The following SOX5 variants were observed in gnomAD, a reference collection of about 807,000 sequenced individuals.
SOX5 encodes the protein transcription factor SOX-5.
Under a neutral mutation model 92.0 loss-of-function variants are expected in SOX5, and 9 were observed. That is an observed-to-expected ratio of 0.10 (90% CI 0.06 to 0.17). The LOEUF (loss-of-function observed/expected upper bound fraction) is 0.17. Among genes scored for constraint, SOX5 ranks in the 10% least tolerant of loss-of-function variants. The pLI, the probability that SOX5 is intolerant of heterozygous loss-of-function variation, is 1.00. For missense variants in SOX5, 642 were observed against 944.5 expected, an observed-to-expected ratio of 0.68 and a Z score of 4.20; for synonymous variants, 344 against 336.3, an observed-to-expected ratio of 1.02 and a Z score of -0.25.
At chr12:23,812,813 T>C (rs538108756) in intron 3 of SOX5, among the ~76,000 whole-genome samples, 2 of 152,250 alleles carry the variant, frequency 1.3e-5, no homozygotes, top group South Asian at 4.1e-4. Flanking sequence ...CACACTATTC[T>C]CATAAAATTT....
chr12:24,181,499 A>T (rs1351462172), intron 4 of SOX5, among the ~76,000 whole-genome samples: 1 of 152,168 alleles, frequency 6.6e-6, no homozygotes, highest in Non-Finnish European at 1.5e-5. Context: ...TATTGTTTTA[A>T]TGTATCTATC....
intron 7 of SOX5, among the ~76,000 whole-genome samples, chr12:23,648,412 A>G (rs1011529569): frequency 1.3e-5 from 2 of 152,202 alleles, no homozygotes; most frequent in African/African-American, 4.8e-5. Flanking sequence ...CTGTCTACAA[A>G]TTGATATGTT....
chr12:23,621,450 T>C (rs1422944777), intron 8 of SOX5, among the ~76,000 whole-genome samples: 1 of 152,150 alleles, frequency 6.6e-6, no homozygotes, highest in African/African-American at 2.4e-5. Context: ...GTAAGTTTTA[T>C]GTTATTTATA....
chr12:23,994,892 C>T (rs1454098122), intron 4 of SOX5, among the ~76,000 whole-genome samples: 7 of 152,042 alleles, frequency 4.6e-5, no homozygotes, highest in Non-Finnish European at 1.0e-4. Flanking sequence ...CTGTAGATGG[C>T]CATAATTTGA....
chr12:23,979,938 T>C (rs12370103), intron 4 of SOX5, among the ~76,000 whole-genome samples: 57,033 of 113,196 alleles, frequency 0.5, 11,624 homozygotes, highest in Middle Eastern at 0.58. Flanking sequence ...GACAGACAGA[T>C]AGATAGATAG....
intron 9 of SOX5, among the ~76,000 whole-genome samples, chr12:23,597,893 T>C (rs964292544): frequency 2.6e-5 from 4 of 152,246 alleles, no homozygotes; most frequent in Admixed American, 2.6e-4. Context: ...ATGGTCAATT[T>C]AAATGCGGTT....
intron 7 of SOX5, among the ~76,000 whole-genome samples, chr12:23,650,254 A>T (rs1315437522): frequency 6.6e-6 from 1 of 152,160 alleles, no homozygotes; most frequent in African/African-American, 2.4e-5. Context: ...TCGATAGTCA[A>T]GGAATTGTAT....
intron 4 of SOX5, among the ~76,000 whole-genome samples, chr12:24,092,307 G>A (rs1030364313): frequency 6.2e-5 from 8 of 129,942 alleles, no homozygotes; most frequent in East Asian, 3.2e-4. Context: ...ACAATGCTGC[G>A]GAATTTTTTT....
chr12:24,340,466 T>C (rs970333327), intron 2 of SOX5, among the ~76,000 whole-genome samples: 1 of 152,210 alleles, frequency 6.6e-6, no homozygotes, highest in Non-Finnish European at 1.5e-5. Context: ...TTTGTTGGTT[T>C]CCCACTAAAA....
intron 2 of SOX5, among the ~76,000 whole-genome samples, chr12:23,860,027 T>C (rs1161532181): frequency 3.3e-5 from 5 of 152,174 alleles, no homozygotes; most frequent in Non-Finnish European, 2.9e-5. Flanking sequence ...CTATCACTGT[T>C]AGCAAACTAA....
chr12:23,775,018 A>C (rs2095054395), intron 3 of SOX5, among the ~76,000 whole-genome samples: 2 of 152,188 alleles, frequency 1.3e-5, no homozygotes, highest in South Asian at 4.1e-4. Flanking sequence ...CAGACTCTGC[A>C]TTTGTAACGG....
intron 1 of SOX5, among the ~76,000 whole-genome samples, chr12:23,901,667 A>G (rs979762944): frequency 1.3e-5 from 2 of 152,142 alleles, no homozygotes; most frequent in Admixed American, 1.3e-4. Context: ...GATATATTTT[A>G]CACTTATTTG....
rs116960520 is a variant in SOX5, at chr12:24,405,305, C to T, written c.-250-36666G>A. Among the ~76,000 whole-genome samples the T allele has an allele frequency of 6.6e-5, 10 of 152,186 alleles. No homozygotes were observed. In the East Asian group the frequency reaches 1.9e-3, roughly 29 times the overall value. ...ATATATTTTATCATGGGGGGGTATA[C>T]TATTTGAAGTATTTTATCTCATTTC... On this transcript the variant is annotated intron_variant, in intron 1 of 4. Coordinates refer to the SOX5 transcript ENST00000446891.
At chr12:24,504,960 C>A (rs1046225704) in intron 1 of SOX5, among the ~76,000 whole-genome samples, 1 of 152,142 alleles carries the variant, frequency 6.6e-6, no homozygotes, top group Non-Finnish European at 1.5e-5. Flanking sequence ...TATCACTACT[C>A]AATCCTGGGG....
In SOX5 at chr12:24,230,408, G is replaced by A. The variant is rs192734646; in HGVS notation, c.-76-16991C>T. ...GGTAGAAAAAGAAAAAAAGCTGGGG[G>A]AGGGGTAGAAAAACGGATAACTTTC... On this transcript the variant is annotated intron_variant, in intron 3 of 4. Coordinates refer to the SOX5 transcript ENST00000446891. Among the ~76,000 whole-genome samples, 405 of 152,264 alleles carry A rather than the reference G, an allele frequency of 2.7e-3. 2 individuals carry two copies. Among genetic ancestry groups the A allele is most frequent in the Non-Finnish European group, 4.8e-3 (325 of 68,004 alleles).
At chr12:24,068,702 GTGTATATATATATA>G (rs1397448959) in intron 4 of SOX5, among the ~76,000 whole-genome samples, 8 of 52,996 alleles carry the variant, frequency 1.5e-4, no homozygotes, top group South Asian at 7.3e-4. Flanking sequence ...GTGTGTGTGT[GTGTATATATATATA>G]TATATATATA....
intron 2 of SOX5, among the ~76,000 whole-genome samples, chr12:24,326,637 T>G (rs1173464786): frequency 8.5e-5 from 13 of 152,162 alleles, no homozygotes. Flanking sequence ...CTACCTTGAA[T>G]GTTCATCTCA....
At chr12:23,716,371 T>A (rs1384156382) in intron 6 of SOX5, among the ~76,000 whole-genome samples, 1 of 152,224 alleles carries the variant, frequency 6.6e-6, no homozygotes, top group Non-Finnish European at 1.5e-5. Context: ...ACATGTCTTA[T>A]TTCATATGTA....
At chr12:24,055,533 GT>G (rs1958006382) in intron 4 of SOX5, among the ~76,000 whole-genome samples, 1 of 152,114 alleles carries the variant, frequency 6.6e-6, no homozygotes, top group Non-Finnish European at 1.5e-5. Flanking sequence ...TCTGCATCGT[GT>G]TTTCCCCCTA....
Sources: allele counts gnomAD v4.1 joint callset (sites outside exome capture counted in the v4.1 genomes callset), GRCh38; gene constraint gnomAD v4.1.1; transcripts MANE v1.5; gene names NCBI Gene and HGNC (gene_info 2026-07-23, HGNC 2026-07-21).